Variants in UNC13B observed in about 807,000 individuals in gnomAD.
UNC13B encodes the protein protein unc-13 homolog B.
A neutral mutation model predicts 211.0 loss-of-function variants in UNC13B; 144 were observed. That is an observed-to-expected ratio of 0.68 (90% CI 0.60 to 0.78). The LOEUF is 0.78. Ranked by LOEUF, UNC13B falls within the 30% of genes least tolerant of loss-of-function variation. The pLI is 0.00. For synonymous variants in UNC13B, 709 were observed against 725.8 expected (o/e 0.98, Z 0.37); for missense variants, 1,777 against 2,002.0 (o/e 0.89, Z 2.14).
At chr9:35,339,425 C>G (rs1364175467) in intron 11 of UNC13B, among the ~76,000 whole-genome samples, 1 of 152,166 alleles carries the variant, frequency 6.6e-6, no homozygotes, top group African/African-American at 2.4e-5. Context: ...CCTGCTTGTC[C>G]CAAAGAGCTA....
chr9:35,225,879 G>A (rs986799368), intron 1 of UNC13B, among the ~76,000 whole-genome samples: 6 of 152,120 alleles, frequency 3.9e-5, no homozygotes, highest in Non-Finnish European at 7.3e-5. Context: ...TTGGATCCCC[G>A]CGGTGACGTG....
chr9:35,389,485 G>A (rs1377228273), intron 24 of UNC13B, among the ~76,000 whole-genome samples: 1 of 152,158 alleles, frequency 6.6e-6, no homozygotes, highest in Non-Finnish European at 1.5e-5. Flanking sequence ...TGCCTGTAGG[G>A]GCCGCATAGA....
chr9:35,310,824 T>C (rs1830150158), intron 10 of UNC13B, 43 bp downstream of exon 10: 3 of 1,559,566 alleles, frequency 1.9e-6, no homozygotes, highest in Middle Eastern at 3.7e-4. Context: ...GCTTCCTCAG[T>C]ACCTGCCCTG....
chr9:35,335,039 A>G (rs1831575328), intron 11 of UNC13B, among the ~76,000 whole-genome samples: 1 of 152,230 alleles, frequency 6.6e-6, no homozygotes, highest in Non-Finnish European at 1.5e-5. Flanking sequence ...CTCCGTCTCA[A>G]AACAAATAAA....
intron 7 of UNC13B, among the ~76,000 whole-genome samples, chr9:35,283,152 AT>A (rs1049742785): frequency 1.3e-5 from 2 of 152,072 alleles, no homozygotes; most frequent in Non-Finnish European, 2.9e-5. Context: ...CACAGTATGT[AT>A]TTTTCCTCTA....
At chr9:35,381,764 G>A in intron 20 of UNC13B, 45 bp downstream of exon 20, 1 of 1,599,686 alleles carries the variant, frequency 6.3e-7, no homozygotes, top group Non-Finnish European at 8.5e-7. Context: ...TAATCACTGG[G>A]GTGGCTAATT....
chr9:35,265,485 C>T (rs1241069611), intron 7 of UNC13B, among the ~76,000 whole-genome samples: 1 of 152,164 alleles, frequency 6.6e-6, no homozygotes, highest in African/African-American at 2.4e-5. Context: ...AGCTCCCCAG[C>T]CTATGGTATT....
rs765577061 is a variant in UNC13B at position 35,295,824 on chromosome 9, C to T, written c.655C>T (p.Pro219Ser). The T allele has an allele frequency of 6.2e-7, 1 of 1,614,064 alleles. No individual in the cohort carries two copies. The highest frequency in any genetic ancestry group is 1.7e-5 in the Admixed American group (1 of 59,990). ...PNASVHQFPVPVRSPQQLLLQ... is the reference protein window; with the variant it reads ...PNASVHQFPVSVRSPQQLLLQ... ...CGCTTCTGTGCACCAGTTCCCTGTGCCGGTGCGATCGCCACAGCAGCTGCT... is the reference window on the plus strand; with the variant it reads ...CGCTTCTGTGCACCAGTTCCCTGTGTCGGTGCGATCGCCACAGCAGCTGCT... Residue 219 changes from proline (P) to serine (S), a missense_variant, in exon 8 of 40, where the codon CCG becomes TCG. By Grantham distance (74) the Pro-to-Ser change is moderately conservative (BLOSUM62 -1). Coordinates refer to ENST00000635942, the MANE Select transcript of UNC13B (RefSeq NM_001371189.2).
intron 8 of UNC13B, among the ~76,000 whole-genome samples, chr9:35,297,561 T>TTTTTTTTTTTTTGTTTTTTTTTTTTTTTG: frequency 3.1e-5 from 4 of 128,164 alleles, no homozygotes; most frequent in African/African-American, 1.2e-4. Context: ...TTTTTTTTTT[T>TTTTTTTTTTTTTGTTTTTTTTTTTTTTTG]TTTTTTGAGA....
At chr9:35,248,639 G>A (rs1826253324) in intron 6 of UNC13B, among the ~76,000 whole-genome samples, 1 of 152,168 alleles carries the variant, frequency 6.6e-6, no homozygotes, top group Non-Finnish European at 1.5e-5. Context: ...GGAGCAGGTT[G>A]TTGAGTTTCC....
intron 3 of UNC13B, among the ~76,000 whole-genome samples, chr9:35,235,574 G>T (rs559306825): frequency 6.6e-6 from 1 of 152,078 alleles, no homozygotes; most frequent in Non-Finnish European, 1.5e-5. Context: ...AAGTAGCTGG[G>T]ATTACAGGTG....
At chr9:35,266,004 TG>T (rs1032253104) in intron 7 of UNC13B, among the ~76,000 whole-genome samples, 1 of 152,052 alleles carries the variant, frequency 6.6e-6, no homozygotes, top group Non-Finnish European at 1.5e-5. Flanking sequence ...TTTGTATTTT[TG>T]TTGGCCAGGC....
intron 1 of UNC13B, among the ~76,000 whole-genome samples, chr9:35,162,553 C>G (rs1461837000): frequency 1.3e-5 from 2 of 152,232 alleles, no homozygotes; most frequent in African/African-American, 4.8e-5. Flanking sequence ...GGACTGCAGG[C>G]TCAGATCCTA....
chr9:35,300,919 G>A lies in UNC13B; in HGVS notation c.1515G>A (p.Thr505=), dbSNP rs926620593. Reference sequence around the variant, plus strand: ...GTACTCTTGATGCAGAACAGAGAACGCCTGGGGATCAAATACCACCTTTAA... The same window carrying A: ...GTACTCTTGATGCAGAACAGAGAACACCTGGGGATCAAATACCACCTTTAA... ...QNSTLDAEQR[T]PGDQIPPLTI... Residue 505 remains threonine, a synonymous_variant, in exon 9 of 40, where the codon ACG becomes ACA. Transcript: ENST00000635942. 5 of 398,778 alleles carry A rather than the reference G, an allele frequency of 1.3e-5. No individual in the cohort carries two copies. Among genetic ancestry groups the A allele is most frequent in the Non-Finnish European group, 2.2e-5 (5 of 226,014 alleles). The allele number at this position is 398,778 out of a possible 1,614,324, so 24.7% of individuals were successfully genotyped here.
chr9:35,389,874 G>C lies in UNC13B; in HGVS notation c.11123G>C (p.Gly3708Ala). The change falls in exon 25 of 40, where the codon GGG becomes GCG. Residue 3708 changes from glycine to alanine, a missense_variant. Coordinates refer to ENST00000635942, the MANE Select transcript of UNC13B (RefSeq NM_001371189.2). ...LKQELPPEEQ[G>A]PSIRNLDFWP... ...CAGGAGCTACCTCCAGAGGAACAAG[G>C]GCCCAGCATTCGGAACCTGGATTTC... The C allele has an allele frequency of 6.2e-7, 1 of 1,614,038 alleles. No individual in the cohort carries two copies. The highest frequency in any genetic ancestry group is 8.5e-7 in the Non-Finnish European group (1 of 1,179,982).
At chr9:35,369,429 T>C (rs1833979922) in intron 12 of UNC13B, among the ~76,000 whole-genome samples, 1 of 152,244 alleles carries the variant, frequency 6.6e-6, no homozygotes, top group Non-Finnish European at 1.5e-5. Context: ...GAAGACATAG[T>C]ACATTAATAG....
intron 3 of UNC13B, among the ~76,000 whole-genome samples, chr9:35,232,594 A>G (rs973727152): frequency 6.6e-6 from 1 of 152,158 alleles, no homozygotes; most frequent in Non-Finnish European, 1.5e-5. Context: ...GGTATTCAGG[A>G]AGTAGAACCA....
At position 35,342,058 on chromosome 9, in the gene UNC13B, AC is replaced by A. The variant is rs1449016551; in HGVS notation, c.9415-24888del. On this transcript the variant is annotated intron_variant, in intron 11 of 39. Transcript: ENST00000635942. ...CAGTGAGACTCCTGCCAAGCCCTTC[AC>A]TGAGGGGTTTTTTTGCAGGGCATTG... is the stretch of plus-strand genomic sequence containing the variant. 3.0e-6 allele frequency: 3 copies of A among 985,312 alleles called. No individual in the cohort carries two copies. In the African/African-American group the frequency reaches 5.2e-5, roughly 17 times the overall value. The allele number at this position is 985,312 out of a possible 1,614,324, so 61.0% of individuals were successfully genotyped here. A position where few individuals can be genotyped will look rare whatever the true frequency, so the allele number is the denominator to read the frequency against.
chr9:35,325,585 G>A, intron 11 of UNC13B, among the ~76,000 whole-genome samples: 1 of 152,122 alleles, frequency 6.6e-6, no homozygotes, highest in African/African-American at 2.4e-5. Context: ...TTTAAATTCA[G>A]ATATAATTAA....
Sources: gnomAD v4.1 joint callset for allele counts (sites outside exome capture counted in the v4.1 genomes callset) on GRCh38, gnomAD v4.1.1 for gene constraint, MANE v1.5 for transcripts, NCBI Gene and HGNC (gene_info 2026-07-23, HGNC 2026-07-21) for gene names.